EFNA5: variants seen among roughly 807,000 people sequenced by gnomAD.
EFNA5 encodes the protein ephrin A5.
Under a neutral mutation model 22.9 loss-of-function variants are expected in EFNA5, and 5 were observed. That is an observed-to-expected ratio of 0.22 (90% CI 0.11 to 0.46). The LOEUF (loss-of-function observed/expected upper bound fraction) is 0.46, where lower values mean the gene tolerates loss of function less well. Ranked by LOEUF, EFNA5 falls within the 20% of genes least tolerant of loss-of-function variation. The pLI is 0.99. For missense variants in EFNA5, 237 were observed against 293.3 expected, an observed-to-expected ratio of 0.81 and a Z score of 1.40; for synonymous variants, 113 against 112.2, an observed-to-expected ratio of 1.01 and a Z score of -0.04.
chr5:107,588,234 T>TA (rs111263136), intron 1 of EFNA5, among the ~76,000 whole-genome samples: 6,162 of 146,072 alleles, frequency 0.042, 398 homozygotes, highest in African/African-American at 0.14. Context: ...TATTTTTCGT[T>TA]AAAAAAAAAA....
At chr5:107,588,453 C>T (rs534617509) in intron 1 of EFNA5, among the ~76,000 whole-genome samples, 37 of 152,240 alleles carry the variant, frequency 2.4e-4, no homozygotes, top group Middle Eastern at 6.8e-3. Flanking sequence ...TGGCTGATTC[C>T]GCTCGAGCCA....
chr5:107,481,389 G>A (rs543062458), intron 1 of EFNA5, among the ~76,000 whole-genome samples: 3 of 152,274 alleles, frequency 2.0e-5, no homozygotes, highest in South Asian at 2.1e-4. Context: ...CACAGCAAGT[G>A]TGCCTTTGAG....
At chr5:107,382,238 T>C (rs1254855266) in intron 4 of EFNA5, among the ~76,000 whole-genome samples, 1 of 152,230 alleles carries the variant, frequency 6.6e-6, no homozygotes, top group Non-Finnish European at 1.5e-5. Flanking sequence ...AACTTCCAAA[T>C]GGGAACTCTG....
chr5:107,664,859 T>C (rs777166947), intron 1 of EFNA5, among the ~76,000 whole-genome samples: 17 of 152,200 alleles, frequency 1.1e-4, no homozygotes, highest in Admixed American at 8.5e-4. Context: ...ATTGATAATA[T>C]AGAATCGTCA....
chr5:107,511,271 C>G (rs997842107), intron 1 of EFNA5, among the ~76,000 whole-genome samples: 1 of 152,210 alleles, frequency 6.6e-6, no homozygotes, highest in East Asian at 1.9e-4. Flanking sequence ...GGTGATCAGC[C>G]CGCCTCGGCA....
chr5:107,566,715 T>C (rs954728335), intron 1 of EFNA5, among the ~76,000 whole-genome samples: 5 of 152,166 alleles, frequency 3.3e-5, no homozygotes, highest in Admixed American at 6.5e-5. Context: ...TTATCAACCA[T>C]AGGGGAAGCA....
chr5:107,401,985 G>C (rs1248197887), intron 2 of EFNA5, among the ~76,000 whole-genome samples: 1 of 152,180 alleles, frequency 6.6e-6, no homozygotes, highest in African/African-American at 2.4e-5. Flanking sequence ...TCGGCTTTCT[G>C]TGCACTGCTG....
intron 1 of EFNA5, among the ~76,000 whole-genome samples, chr5:107,647,241 C>A (rs973908572): frequency 6.6e-6 from 1 of 152,088 alleles, no homozygotes; most frequent in Admixed American, 6.6e-5. Context: ...AAGAGCCAGA[C>A]AAGCAAACTT....
At chr5:107,649,146 G>A (rs967458715) in intron 1 of EFNA5, among the ~76,000 whole-genome samples, 2 of 151,986 alleles carry the variant, frequency 1.3e-5, no homozygotes, top group East Asian at 3.9e-4. Context: ...AGATGCTCTC[G>A]CCTAAGAGAT....
At chr5:107,629,355 A>G (rs1297646152) in intron 1 of EFNA5, among the ~76,000 whole-genome samples, 3 of 152,216 alleles carry the variant, frequency 2.0e-5, no homozygotes, top group Non-Finnish European at 2.9e-5. Flanking sequence ...AATGGAATAC[A>G]AACAGGCACA....
intron 1 of EFNA5, among the ~76,000 whole-genome samples, chr5:107,649,315 C>A (rs1290446594): frequency 6.6e-6 from 1 of 151,802 alleles, no homozygotes; most frequent in African/African-American, 2.4e-5. Context: ...CTGATAAAAT[C>A]AAAAAGAATA....
chr5:107,389,923 T>C (rs968152408), intron 2 of EFNA5, among the ~76,000 whole-genome samples: 2 of 152,242 alleles, frequency 1.3e-5, no homozygotes, highest in African/African-American at 4.8e-5. Flanking sequence ...ATGTGACTGA[T>C]GCCTTGTGAT....
At chr5:107,586,927 G>A (rs961040284) in intron 1 of EFNA5, among the ~76,000 whole-genome samples, 7 of 152,176 alleles carry the variant, frequency 4.6e-5, no homozygotes, top group African/African-American at 1.7e-4. Flanking sequence ...GTTAACAACT[G>A]CCATTCAGAT....
At chr5:107,574,363 CA>C (rs11420605) in intron 1 of EFNA5, among the ~76,000 whole-genome samples, 9 of 149,606 alleles carry the variant, frequency 6.0e-5, no homozygotes, top group African/African-American at 9.8e-5. Context: ...CCCTCCCTTG[CA>C]AAAAAAAAAT....
chr5:107,557,769 TG>T lies in EFNA5; in HGVS notation c.125+112719del, dbSNP rs1388648817. On this transcript the variant is annotated intron_variant, in intron 1 of 4. Transcript: ENST00000333274. ...AAAATAGCTTGTATATACAAAGTTT[TG>T]TTACCATTACATGTGTTTAGAAGCG... Among the ~76,000 whole-genome samples the T allele has an allele frequency of 4.6e-5, 7 of 152,326 alleles. No homozygotes were observed. The East Asian group carries it at 1.3e-3, about 29-fold the overall frequency.
intron 1 of EFNA5, among the ~76,000 whole-genome samples, chr5:107,563,734 C>T (rs1415599478): frequency 6.6e-6 from 1 of 152,196 alleles, no homozygotes; most frequent in Non-Finnish European, 1.5e-5. Flanking sequence ...AGCCACTGCA[C>T]CCGGCCATGC....
chr5:107,544,167 C>A (rs1748102240), intron 1 of EFNA5, among the ~76,000 whole-genome samples: 1 of 152,166 alleles, frequency 6.6e-6, no homozygotes, highest in African/African-American at 2.4e-5. Flanking sequence ...GCAATTAGAT[C>A]ATTTAGGAAA....
At chr5:107,509,804 T>C (rs1488315757) in intron 1 of EFNA5, among the ~76,000 whole-genome samples, 1 of 152,206 alleles carries the variant, frequency 6.6e-6, no homozygotes, top group Non-Finnish European at 1.5e-5. Context: ...TCCTTGATCC[T>C]AGCAGATGCT....
At chr5:107,452,514 C>T (rs193005806) in intron 1 of EFNA5, among the ~76,000 whole-genome samples, 334 of 151,756 alleles carry the variant, frequency 2.2e-3, no homozygotes, top group Non-Finnish European at 3.5e-3. Flanking sequence ...ACTTGAGCCC[C>T]GAAGTTTGAG....
Sources: allele counts gnomAD v4.1 joint callset (sites outside exome capture counted in the v4.1 genomes callset), GRCh38; gene constraint gnomAD v4.1.1; transcripts MANE v1.5; gene names NCBI Gene and HGNC (gene_info 2026-07-23, HGNC 2026-07-21).